The following ATRN variants were observed in gnomAD, a reference collection of about 807,000 sequenced individuals.
ATRN encodes the protein attractin.
A neutral mutation model predicts 178.7 loss-of-function variants in ATRN; 54 were observed. The ratio of observed to expected loss-of-function variants is 0.30; its 90% CI spans 0.24 to 0.38. ATRN has a LOEUF of 0.38. Ranked by LOEUF, ATRN falls within the 10% of genes least tolerant of loss-of-function variation. The probability of loss-of-function intolerance (pLI) is 1.00; values close to 1 mark genes in which losing one functional copy is unlikely to be tolerated. For missense variants in ATRN, 1,443 were observed against 1,815.1 expected (o/e 0.79, Z 3.73); for synonymous variants, 636 against 663.0 (o/e 0.96, Z 0.63).
At chr20:3,570,085 AGTT>A (rs528023509) in intron 11 of ATRN, among the ~76,000 whole-genome samples, 165 of 151,880 alleles carry the variant, frequency 1.1e-3, no homozygotes, top group Admixed American at 4.7e-3. Context: ...AAAAAAAAAA[AGTT>A]GTTCTTTAAT....
chr20:3,629,287 G>C (rs374978242), intron 25 of ATRN: 4 of 985,170 alleles, frequency 4.1e-6, no homozygotes, highest in Non-Finnish European at 4.8e-6. Flanking sequence ...AAAATTCAGC[G>C]TCCTGGGTGA....
chr20:3,516,774 A>T (rs906029217), intron 1 of ATRN, among the ~76,000 whole-genome samples: 1 of 151,982 alleles, frequency 6.6e-6, no homozygotes, highest in Non-Finnish European at 1.5e-5. Context: ...GCTGAGAATG[A>T]TGGTTTCCAG....
intron 1 of ATRN, among the ~76,000 whole-genome samples, chr20:3,500,689 G>T (rs1331847982): frequency 1.6e-5 from 2 of 124,660 alleles, no homozygotes; most frequent in African/African-American, 6.0e-5. Flanking sequence ...ACTGTTGTGG[G>T]GTGGGGGGAG....
chr20:3,557,659 A>G (rs1252283066), intron 6 of ATRN, among the ~76,000 whole-genome samples: 2 of 152,212 alleles, frequency 1.3e-5, no homozygotes, highest in Non-Finnish European at 2.9e-5. Flanking sequence ...GGACTAAATA[A>G]CTATGGAATT....
intron 1 of ATRN, among the ~76,000 whole-genome samples, chr20:3,529,529 A>T (rs746990654): frequency 6.6e-6 from 1 of 152,226 alleles, no homozygotes; most frequent in Non-Finnish European, 1.5e-5. Flanking sequence ...ATACTTAGAA[A>T]AGTTATGTTG....
At chr20:3,564,469 CAA>C (rs1009801221) in intron 10 of ATRN, among the ~76,000 whole-genome samples, 1 of 152,074 alleles carries the variant, frequency 6.6e-6, no homozygotes, top group Non-Finnish European at 1.5e-5. Context: ...TTTAAGGGCT[CAA>C]AGAGTGAGAC....
Position 3,638,834 on chromosome 20 carries a change from C to A in ATRN, c.3949C>A (p.Leu1317Ile), listed in dbSNP as rs1420426816. The change falls in exon 27 of 29, where the codon CTT becomes ATT. Residue 1317 changes from leucine to isoleucine, a missense_variant. Physicochemically the swap from Leu to Ile is conservative, Grantham distance 5 (BLOSUM62 2). This residue lies in a region of ATRN where 289 missense variants were observed against 440.8 expected (regional missense o/e 0.66). Coordinates refer to ENST00000262919, the MANE Select transcript of ATRN (RefSeq NM_139321.3). The surrounding 1 kb of genome is among the most constrained non-coding windows in gnomAD (Gnocchi z 4.5). ...TTGCCATATTATTTATCAGCAACTT[C>A]TTCGAGAGATGCAACAGATGGCCAG... ...CWASRRREQL[L>I]REMQQMASRP... The A allele has an allele frequency of 6.2e-7, 1 of 1,614,120 alleles. No individual in the cohort carries two copies. The highest frequency in any genetic ancestry group is 1.1e-5 in the South Asian group (1 of 91,076).
At position 3,471,194 on chromosome 20, in the gene ATRN, G is replaced by A. The variant is rs1459162138; in HGVS notation, c.87G>A (p.Pro29=). 3.3e-6 allele frequency: 5 copies of A among 1,502,502 alleles called. No individual in the cohort carries two copies. Among genetic ancestry groups the A allele is most frequent in the Non-Finnish European group, 4.4e-6 (5 of 1,132,608 alleles). The allele number at this position is 1,502,502 out of a possible 1,614,324, so 93.1% of individuals were successfully genotyped here. ...TAALAGRSGG[P]HWDWDVTRAG... ...CGCTCGCGGGCAGGAGCGGCGGGCCGCACTGGGACTGGGACGTGACCAGGG... is the reference window on the plus strand; with the variant it reads ...CGCTCGCGGGCAGGAGCGGCGGGCCACACTGGGACTGGGACGTGACCAGGG... Residue 29 remains proline, a synonymous_variant, in exon 1 of 29, where the codon CCG becomes CCA. Coordinates refer to ENST00000262919, the MANE Select transcript of ATRN (RefSeq NM_139321.3).
chr20:3,597,853 G>A (rs978210939), intron 21 of ATRN, 53 bp from the exon 22 acceptor site: 7 of 1,155,146 alleles, frequency 6.1e-6, no homozygotes, highest in Middle Eastern at 2.2e-4. Context: ...CTAAAGACCT[G>A]TTCTATTTTG....
chr20:3,490,890 G>T, intron 1 of ATRN: 2 of 1,003,618 alleles, frequency 2.0e-6, no homozygotes, highest in Non-Finnish European at 3.2e-6. Context: ...CATGGCCTGA[G>T]TGCGGTGATC....
At chr20:3,486,373 G>A (rs1220817644) in intron 1 of ATRN, among the ~76,000 whole-genome samples, 1 of 141,538 alleles carries the variant, frequency 7.1e-6, no homozygotes, top group African/African-American at 2.7e-5. Flanking sequence ...CCTTCTGGTT[G>A]TTTTTCTTTT....
At chr20:3,511,294 GA>G (rs1362983920) in intron 1 of ATRN, among the ~76,000 whole-genome samples, 1 of 152,038 alleles carries the variant, frequency 6.6e-6, no homozygotes, top group Non-Finnish European at 1.5e-5. Flanking sequence ...ACAAACATTA[GA>G]AAAGACTAAT....
intron 1 of ATRN, among the ~76,000 whole-genome samples, chr20:3,522,964 G>A (rs2085316155): frequency 6.6e-6 from 1 of 152,108 alleles, no homozygotes; most frequent in Non-Finnish European, 1.5e-5. Flanking sequence ...AGAAAAACCA[G>A]CGCAAAAAGG....
At chr20:3,478,528 G>T (rs1187258805) in intron 1 of ATRN, among the ~76,000 whole-genome samples, 1 of 152,082 alleles carries the variant, frequency 6.6e-6, no homozygotes, top group Non-Finnish European at 1.5e-5. Flanking sequence ...ACACACTGGG[G>T]CTTTCGGTGG....
At chr20:3,600,435 C>T (rs1046486623) in intron 22 of ATRN, among the ~76,000 whole-genome samples, 7 of 152,082 alleles carry the variant, frequency 4.6e-5, no homozygotes, top group Non-Finnish European at 1.0e-4. Flanking sequence ...CATTTCAGCT[C>T]TATATGCCTT....
At chr20:3,496,683 A>G (rs2084884753) in intron 1 of ATRN, among the ~76,000 whole-genome samples, 1 of 152,124 alleles carries the variant, frequency 6.6e-6, no homozygotes, top group East Asian at 1.9e-4. Context: ...CTTGGTGCAG[A>G]GCTGAGTTCA....
intron 1 of ATRN, among the ~76,000 whole-genome samples, chr20:3,504,719 A>G (rs1185355757): frequency 1.7e-5 from 2 of 117,512 alleles, no homozygotes; most frequent in Non-Finnish European, 3.8e-5. Context: ...AATAATAATA[A>G]TAATAATAAT....
At chr20:3,525,276 C>T (rs192228029) in intron 1 of ATRN, among the ~76,000 whole-genome samples, 63 of 152,184 alleles carry the variant, frequency 4.1e-4, no homozygotes, top group East Asian at 3.9e-3. Context: ...AACAACTCTA[C>T]GCAAATAAAC....
intron 15 of ATRN, among the ~76,000 whole-genome samples, chr20:3,579,513 G>A (rs1339824202): frequency 3.3e-5 from 5 of 152,038 alleles, no homozygotes; most frequent in African/African-American, 1.2e-4. Flanking sequence ...GCAAAAAAAA[G>A]AAATGTACAT....
Sources: allele counts gnomAD v4.1 joint callset (sites outside exome capture counted in the v4.1 genomes callset), GRCh38; gene constraint gnomAD v4.1.1; regional missense constraint gnomAD v4.1.1; non-coding constraint Gnocchi (gnomAD v3.1); transcripts MANE v1.5; gene names NCBI Gene and HGNC (gene_info 2026-07-23, HGNC 2026-07-21).